Variants in GPR158 observed in about 807,000 individuals in gnomAD.
GPR158 encodes the protein G protein-coupled receptor 158.
A neutral mutation model predicts 78.2 loss-of-function variants in GPR158; 30 were observed. The observed-to-expected ratio is 0.38, with a 90% CI of 0.29 to 0.52. GPR158 has a LOEUF of 0.52. Among genes scored for constraint, GPR158 ranks in the 20% least tolerant of loss-of-function variants. The pLI is 0.83. For synonymous variants in GPR158, 581 were observed against 591.1 expected, an observed-to-expected ratio of 0.98 and a Z score of 0.25; for missense variants, 1,463 against 1,523.5, an observed-to-expected ratio of 0.96 and a Z score of 0.66.
At chr10:25,481,895 G>A (rs77987106) in intron 5 of GPR158, among the ~76,000 whole-genome samples, 1,945 of 152,210 alleles carry the variant, frequency 0.013, 48 homozygotes, top group African/African-American at 0.044. Flanking sequence ...AGGTTTTTAG[G>A]GTGTCTGTTT....
intron 4 of GPR158, among the ~76,000 whole-genome samples, chr10:25,422,291 G>A (rs867057928): frequency 5.3e-5 from 8 of 152,258 alleles, no homozygotes; most frequent in Middle Eastern, 3.4e-3. Flanking sequence ...AGTGAGTGGC[G>A]ATGGGTGAGC....
intron 5 of GPR158, among the ~76,000 whole-genome samples, chr10:25,521,340 T>G (rs1300039330): frequency 2.0e-5 from 3 of 152,220 alleles, no homozygotes; most frequent in South Asian, 2.1e-4. Context: ...TCGCTCACGC[T>G]GGGAGCTGTA....
chr10:25,407,091 C>T (rs1484543460), intron 3 of GPR158, among the ~76,000 whole-genome samples: 1 of 152,120 alleles, frequency 6.6e-6, no homozygotes, highest in Admixed American at 6.6e-5. Flanking sequence ...TTATATTTTA[C>T]ACCTTCTTTT....
At position 25,281,806 on chromosome 10, in the gene GPR158, G is replaced by A. The variant is rs138949181; in HGVS notation, c.1008+60649G>A. 5.1e-4 allele frequency among the ~76,000 whole-genome samples: 78 copies of A among 151,934 alleles called. 1 individual carries two copies. The East Asian group carries it at 0.013, about 26-fold the overall frequency. ...TGAAATAGAAGACATGCAATATAGA[G>A]GATCAATAAAATCTCAAGTTAGATT... On this transcript the variant is annotated intron_variant, in intron 2 of 10. Transcript: ENST00000376351.
At position 25,577,757 on chromosome 10, in the gene GPR158, A is replaced by C. The variant is rs574165668; in HGVS notation, c.1753+4870A>C. ...AAGAGCCACAGTTTCTTCTTTGAAGAAATGATTTTAAAACATAGAAGGGGG... is the reference window on the plus strand; with the variant it reads ...AAGAGCCACAGTTTCTTCTTTGAAGCAATGATTTTAAAACATAGAAGGGGG... On this transcript the variant is annotated intron_variant, in intron 7 of 10. Coordinates refer to ENST00000376351, the MANE Select transcript of GPR158 (RefSeq NM_020752.3). 1.5e-4 allele frequency among the ~76,000 whole-genome samples: 23 copies of C among 152,358 alleles called. No homozygotes were observed. In the East Asian group the frequency reaches 4.0e-3, roughly 27 times the overall value.
At chr10:25,508,586 A>C (rs1347946900) in intron 5 of GPR158, among the ~76,000 whole-genome samples, 2 of 152,134 alleles carry the variant, frequency 1.3e-5, no homozygotes, top group Admixed American at 1.3e-4. Flanking sequence ...GTAGCTGTTT[A>C]TCAGGAAAGA....
At chr10:25,577,397 T>G (rs978425734) in intron 7 of GPR158, among the ~76,000 whole-genome samples, 21 of 152,258 alleles carry the variant, frequency 1.4e-4, no homozygotes, top group Middle Eastern at 3.4e-3. Context: ...CAAGAAGCTG[T>G]GTGCACTTAC....
intron 2 of GPR158, among the ~76,000 whole-genome samples, chr10:25,301,669 A>T (rs1249840044): frequency 6.7e-6 from 1 of 149,984 alleles, no homozygotes; most frequent in Admixed American, 6.7e-5. Flanking sequence ...TAGTTGAGTA[A>T]CATGTACTGC....
intron 1 of GPR158, among the ~76,000 whole-genome samples, chr10:25,194,501 AGC>A (rs1852819101): frequency 6.6e-6 from 1 of 152,150 alleles, no homozygotes; most frequent in South Asian, 2.1e-4. Flanking sequence ...ATCGCACCAC[AGC>A]ACTCTAGCCT....
chr10:25,428,697 T>A (rs982467441), intron 4 of GPR158, among the ~76,000 whole-genome samples: 3 of 152,094 alleles, frequency 2.0e-5, no homozygotes, highest in Admixed American at 6.6e-5. Flanking sequence ...AAGGAGAATG[T>A]ATCACTGCTT....
chr10:25,514,484 T>G (rs1053424461), intron 5 of GPR158, among the ~76,000 whole-genome samples: 1 of 152,176 alleles, frequency 6.6e-6, no homozygotes, highest in Non-Finnish European at 1.5e-5. Context: ...TTCTTCTTAG[T>G]GGAGCATTTA....
intron 2 of GPR158, among the ~76,000 whole-genome samples, chr10:25,233,745 GC>G (rs1333811720): frequency 1.3e-5 from 2 of 152,152 alleles, no homozygotes; most frequent in Non-Finnish European, 2.9e-5. Context: ...GCCATTATTT[GC>G]CTTTGGAACT....
At chr10:25,503,780 T>C (rs1887925) in intron 5 of GPR158, among the ~76,000 whole-genome samples, 65,111 of 151,978 alleles carry the variant, frequency 0.43, 14,194 homozygotes, top group African/African-American at 0.5. Context: ...CTCTCACTGT[T>C]GTGTTCTCTC....
intron 2 of GPR158, among the ~76,000 whole-genome samples, chr10:25,336,190 A>C (rs1855203719): frequency 6.6e-6 from 1 of 152,114 alleles, no homozygotes; most frequent in Non-Finnish European, 1.5e-5. Flanking sequence ...ACCTGTGTAC[A>C]TATCATAAAA....
At chr10:25,251,931 C>T (rs1240361853) in intron 2 of GPR158, among the ~76,000 whole-genome samples, 10 of 152,218 alleles carry the variant, frequency 6.6e-5, no homozygotes, top group Admixed American at 3.9e-4. Flanking sequence ...TTCCATTCTC[C>T]CTGTCACTTT....
intron 4 of GPR158, among the ~76,000 whole-genome samples, chr10:25,423,123 A>ACG (rs1564451167): frequency 7.8e-6 from 1 of 128,944 alleles, no homozygotes; most frequent in Non-Finnish European, 1.7e-5. Context: ...ATATATACAT[A>ACG]TATATGTATA....
intron 5 of GPR158, among the ~76,000 whole-genome samples, chr10:25,494,521 ATAT>A (rs1177162997): frequency 1.3e-5 from 2 of 152,176 alleles, no homozygotes; most frequent in African/African-American, 2.4e-5. Context: ...ACTGTAGATA[ATAT>A]TATTCCTTTA....
intron 4 of GPR158, among the ~76,000 whole-genome samples, chr10:25,433,744 T>A (rs1834956944): frequency 7.1e-6 from 1 of 140,430 alleles, no homozygotes; most frequent in Non-Finnish European, 1.5e-5. Flanking sequence ...TGTTGCCCAG[T>A]CTGGTCTCAA....
intron 5 of GPR158, among the ~76,000 whole-genome samples, chr10:25,507,285 T>A (rs185251538): frequency 2.0e-5 from 3 of 152,352 alleles, no homozygotes; most frequent in African/African-American, 7.2e-5. Flanking sequence ...GAAGAATATT[T>A]TTGAACAGCA....
Sources: gnomAD v4.1 joint callset for allele counts (sites outside exome capture counted in the v4.1 genomes callset) on GRCh38, gnomAD v4.1.1 for gene constraint, MANE v1.5 for transcripts, NCBI Gene and HGNC (gene_info 2026-07-23, HGNC 2026-07-21) for gene names.